The following MAPKAP1 variants were observed in gnomAD, a reference collection of about 807,000 sequenced individuals.
MAPKAP1 encodes target of rapamycin complex 2 subunit MAPKAP1.
In MAPKAP1, 20 loss-of-function variants were observed where a neutral mutation model predicts 65.7. The observed-to-expected ratio is 0.30, with a 90% CI of 0.21 to 0.44. The LOEUF is 0.44. Among genes scored for constraint, MAPKAP1 ranks in the 20% least tolerant of loss-of-function variants. The probability of loss-of-function intolerance (pLI) is 1.00; values close to 1 mark genes in which losing one functional copy is unlikely to be tolerated. For synonymous variants in MAPKAP1, 222 were observed against 244.3 expected (o/e 0.91, Z 0.85); for missense variants, 423 against 648.0 (o/e 0.65, Z 3.77).
At chr9:125,451,289 G>C (rs774233441) in intron 10 of MAPKAP1, among the ~76,000 whole-genome samples, 2 of 152,156 alleles carry the variant, frequency 1.3e-5, no homozygotes, top group Non-Finnish European at 2.9e-5. Flanking sequence ...TGGAGGCACG[G>C]TCACCTGATT....
rs905370863 is a variant in MAPKAP1, at chr9:125,564,986, G to A, written c.672-5177C>T. ...ATAAAAAGAGCAGTACCTTTCATGG[G>A]ACCAGGAAGTCTCCATGAGAATTGG... On this transcript the variant is annotated intron_variant, in intron 5 of 11. Transcript: ENST00000265960. Among the ~76,000 whole-genome samples the A allele has an allele frequency of 2.0e-5, 3 of 152,216 alleles. No homozygotes were observed. The South Asian group carries it at 6.2e-4, about 32-fold the overall frequency.
intron 4 of MAPKAP1, among the ~76,000 whole-genome samples, chr9:125,623,121 G>A (rs1832962224): frequency 1.4e-5 from 2 of 147,624 alleles, no homozygotes; most frequent in Non-Finnish European, 3.0e-5. Flanking sequence ...AGGCTGGAGT[G>A]CAGTGGCATG....
At chr9:125,470,035 C>T (rs888276371) in intron 9 of MAPKAP1, among the ~76,000 whole-genome samples, 25 of 152,162 alleles carry the variant, frequency 1.6e-4, no homozygotes, top group African/African-American at 4.3e-4. Context: ...TGAAAATAAA[C>T]CGTGCTCCAC....
At chr9:125,592,633 A>G (rs907095837) in intron 4 of MAPKAP1, among the ~76,000 whole-genome samples, 1 of 152,196 alleles carries the variant, frequency 6.6e-6, no homozygotes, top group South Asian at 2.1e-4. Context: ...GGCCAGGCGC[A>G]GTGGCTCATG....
intron 10 of MAPKAP1, among the ~76,000 whole-genome samples, chr9:125,451,856 G>A (rs1443453220): frequency 1.3e-5 from 2 of 150,326 alleles, no homozygotes; most frequent in African/African-American, 2.4e-5. Flanking sequence ...ATCCCCCAGG[G>A]TGGAGCGCAG....
chr9:125,571,359 T>C (rs1001174269), intron 5 of MAPKAP1, among the ~76,000 whole-genome samples: 1 of 152,168 alleles, frequency 6.6e-6, no homozygotes, highest in Non-Finnish European at 1.5e-5. Flanking sequence ...TAGAAGGTGG[T>C]TTATAATTAA....
At chr9:125,497,806 G>A (rs1442885134) in intron 8 of MAPKAP1, among the ~76,000 whole-genome samples, 1 of 152,200 alleles carries the variant, frequency 6.6e-6, no homozygotes, top group African/African-American at 2.4e-5. Context: ...TTTAATTTCA[G>A]GCTTATATTG....
At chr9:125,523,635 G>C (rs1829681085) in intron 7 of MAPKAP1, among the ~76,000 whole-genome samples, 1 of 152,230 alleles carries the variant, frequency 6.6e-6, no homozygotes, top group South Asian at 2.1e-4. Flanking sequence ...GAAAAAAGCT[G>C]TGTGAATTTA....
chr9:125,617,752 A>G (rs1045298622), intron 4 of MAPKAP1, among the ~76,000 whole-genome samples: 6 of 152,240 alleles, frequency 3.9e-5, no homozygotes, highest in African/African-American at 1.4e-4. Context: ...TATTGTTCAG[A>G]GATACAAATA....
intron 7 of MAPKAP1, among the ~76,000 whole-genome samples, chr9:125,512,199 A>C (rs1029250858): frequency 6.6e-6 from 1 of 152,232 alleles, no homozygotes; most frequent in African/African-American, 2.4e-5. Flanking sequence ...CTGAAAGCTG[A>C]AATCCAATGG....
chr9:125,565,825 C>T, intron 5 of MAPKAP1: 1 of 341,258 alleles, frequency 2.9e-6, no homozygotes, highest in African/African-American at 2.3e-5. Context: ...ACTTGAAGTG[C>T]TTAGCATGTG....
rs781253332 is a variant in MAPKAP1 at position 125,669,924 on chromosome 9, A to AT, written c.260-18dup. ...ATCTTTGAGCTTGAAAAGAAATATT[A>AT]TAACTGTAAGTTTGTCAATGAAAGT... On this transcript the variant is annotated splice_polypyrimidine_tract_variant and intron_variant, in intron 2 of 11. Transcript: ENST00000265960. 6.9e-7 allele frequency: 1 copy of AT among 1,452,222 alleles called. No individual in the cohort carries two copies. Among genetic ancestry groups the AT allele is most frequent in the Non-Finnish European group, 9.5e-7 (1 of 1,052,048 alleles). The allele number at this position is 1,452,222 out of a possible 1,614,324, so 90.0% of individuals were successfully genotyped here.
chr9:125,678,215 G>A (rs1834709691), intron 1 of MAPKAP1, among the ~76,000 whole-genome samples: 1 of 152,044 alleles, frequency 6.6e-6, no homozygotes, highest in South Asian at 2.1e-4. Flanking sequence ...ACTATGCCAG[G>A]CCAACACAGG....
chr9:125,440,048 A>G (rs78942409), intron 11 of MAPKAP1, among the ~76,000 whole-genome samples: 2 of 152,328 alleles, frequency 1.3e-5, no homozygotes, highest in East Asian at 3.9e-4. Context: ...TGTCCCTGGA[A>G]CTGCGAGAGC....
In MAPKAP1 at chr9:125,441,947, G is replaced by GA. The variant is rs551292015; in HGVS notation, c.1443+2553dup. 3.7e-3 allele frequency among the ~76,000 whole-genome samples: 562 copies of GA among 152,088 alleles called. 6 individuals carry two copies. The highest frequency in any genetic ancestry group is 0.013 in the African/African-American group (540 of 41,480). ...GTTCGAGACCAGCCTGGCCAATGGTGAAACCCCGTTCTCTACTAAAAATAG... is the reference window on the plus strand; with the variant it reads ...GTTCGAGACCAGCCTGGCCAATGGTGAAAACCCCGTTCTCTACTAAAAATAG... On this transcript the variant is annotated intron_variant, in intron 11 of 11. Transcript: ENST00000265960.
At chr9:125,647,570 T>C (rs558034076) in intron 4 of MAPKAP1, among the ~76,000 whole-genome samples, 4 of 152,344 alleles carry the variant, frequency 2.6e-5, no homozygotes, top group Admixed American at 2.6e-4. Flanking sequence ...GTTCTGTTCC[T>C]CTGCTCGGTC....
chr9:125,554,164 T>C (rs1294881975), intron 6 of MAPKAP1, among the ~76,000 whole-genome samples: 1 of 152,178 alleles, frequency 6.6e-6, no homozygotes, highest in African/African-American at 2.4e-5. Flanking sequence ...GCAAGCTGCA[T>C]ACAGAACTTG....
In MAPKAP1 at chr9:125,467,916, A is replaced by G. The variant is rs532898073; in HGVS notation, c.1345+56T>C. On this transcript the variant is annotated intron_variant, in intron 10 of 11. Coordinates refer to ENST00000265960, the MANE Select transcript of MAPKAP1 (RefSeq NM_001006617.3). ...TATATTCTCCTGGCACCCAGCACAC[A>G]GAAGAGAAGAGAGGGGAAAGAGAGA... The G allele has an allele frequency of 4.7e-5, 75 of 1,580,880 alleles. No homozygotes were observed. The South Asian group carries it at 7.6e-4, about 16-fold the overall frequency.
Position 125,504,438 on chromosome 9 carries a change from T to C in MAPKAP1, c.1066+1872A>G, listed in dbSNP as rs1035868662. On this transcript the variant is annotated intron_variant, in intron 8 of 11. Transcript: ENST00000265960. ...GCATATTTCACCTTCCTGGTGAATTTTGTGCATGCTCGGCGGAAGAGGCTG... is the reference window on the plus strand; with the variant it reads ...GCATATTTCACCTTCCTGGTGAATTCTGTGCATGCTCGGCGGAAGAGGCTG... Among the ~76,000 whole-genome samples the C allele has an allele frequency of 8.5e-5, 13 of 152,098 alleles. No individual in the cohort carries two copies. In the South Asian group the frequency reaches 1.7e-3, roughly 19 times the overall value.
Sources: gnomAD v4.1 joint callset for allele counts (sites outside exome capture counted in the v4.1 genomes callset) on GRCh38, gnomAD v4.1.1 for gene constraint, MANE v1.5 for transcripts, NCBI Gene and HGNC (gene_info 2026-07-23, HGNC 2026-07-21) for gene names.